Variants in IL20RB observed in about 807,000 individuals in gnomAD.
The protein encoded by IL20RB is interleukin-20 receptor subunit beta.
IL20RB carries 21 observed loss-of-function variants against 33.3 expected under a neutral mutation model. That is an observed-to-expected ratio of 0.63 (90% CI 0.45 to 0.91). The LOEUF (loss-of-function observed/expected upper bound fraction) is 0.91, where lower values mean the gene tolerates loss of function less well. Ranked by LOEUF, IL20RB falls within the 40% of genes least tolerant of loss-of-function variation. The probability of loss-of-function intolerance (pLI) is 0.00; values close to 1 mark genes in which losing one functional copy is unlikely to be tolerated. For missense variants in IL20RB, 345 were observed against 384.8 expected (o/e 0.90, Z 0.86); for synonymous variants, 147 against 146.8 (o/e 1.00, Z -0.01).
At chr3:137,003,830 T>A (rs566707925) in intron 6 of IL20RB, among the ~76,000 whole-genome samples, 206 of 151,778 alleles carry the variant, frequency 1.4e-3, no homozygotes, top group Middle Eastern at 6.8e-3. Flanking sequence ...AGAGAGGGCA[T>A]CCTTGTGCTG....
At chr3:136,996,980 A>G (rs1167974169) in intron 6 of IL20RB, among the ~76,000 whole-genome samples, 1 of 152,170 alleles carries the variant, frequency 6.6e-6, no homozygotes, top group East Asian at 1.9e-4. Context: ...AATTAGGTCA[A>G]AATGTTTCGT....
At chr3:136,985,774 T>C (rs1399501162) in intron 3 of IL20RB, among the ~76,000 whole-genome samples, 1 of 152,196 alleles carries the variant, frequency 6.6e-6, no homozygotes, top group Non-Finnish European at 1.5e-5. Flanking sequence ...ATGATCTGCA[T>C]GCATCTTATT....
intron 4 of IL20RB, among the ~76,000 whole-genome samples, chr3:136,990,092 C>T (rs1386524849): frequency 6.6e-6 from 1 of 151,910 alleles, no homozygotes; most frequent in African/African-American, 2.4e-5. Flanking sequence ...GGGTGCTGCC[C>T]TCCCCATGGG....
At position 136,982,218 on chromosome 3, in the gene IL20RB, A is replaced by G; in HGVS notation, c.274A>G (p.Thr92Ala). The G allele has an allele frequency of 1.9e-6, 3 of 1,605,694 alleles. No individual in the cohort carries two copies. The highest frequency in any genetic ancestry group is 2.6e-6 in the Non-Finnish European group (3 of 1,173,350). Residue 92 changes from threonine to alanine, a missense_variant, in exon 3 of 7, where the codon ACT becomes GCT. Transcript: ENST00000329582. ...IWIPSSWCSL[T>A]EGPECDVTDD... ...GATCCCCAGCAGCTGGTGCTCACTC[A>G]CTGAAGGTCCTGAGTGTGATGTCAC...
chr3:136,985,582 C>A (rs1200450845), intron 3 of IL20RB, among the ~76,000 whole-genome samples: 2 of 152,128 alleles, frequency 1.3e-5, no homozygotes, highest in Admixed American at 1.3e-4. Context: ...GGTGATCCGC[C>A]CACCTCAGCC....
intron 1 of IL20RB, among the ~76,000 whole-genome samples, chr3:136,966,122 A>G (rs1435712576): frequency 3.5e-5 from 5 of 140,894 alleles, no homozygotes; most frequent in African/African-American, 5.6e-5. Context: ...GGATTTTTGC[A>G]TCAATGTTCA....
intron 3 of IL20RB, among the ~76,000 whole-genome samples, chr3:136,982,979 T>C (rs944585386): frequency 2.6e-5 from 4 of 152,152 alleles, no homozygotes; most frequent in Non-Finnish European, 4.4e-5. Flanking sequence ...CAAGGGCTGA[T>C]GGGCAGGGGG....
intron 6 of IL20RB, among the ~76,000 whole-genome samples, chr3:136,999,811 T>A (rs1247984887): frequency 6.6e-6 from 1 of 152,216 alleles, no homozygotes; most frequent in South Asian, 2.1e-4. Flanking sequence ...GATATTGTGT[T>A]TTTAAATTCT....
chr3:136,983,911 A>C lies in IL20RB; in HGVS notation c.406+1561A>C, dbSNP rs577967056. On this transcript the variant is annotated intron_variant, in intron 3 of 6. Transcript: ENST00000329582. ...GAGTGCAGTGGTGCCAACACAGCTC[A>C]CTGCAGCCTTGCCCTCCTGGGCTCA... is the stretch of plus-strand genomic sequence containing the variant. Among the ~76,000 whole-genome samples, 307 of 152,214 alleles carry C rather than the reference A, an allele frequency of 2.0e-3. 2 individuals carry two copies. Among genetic ancestry groups the C allele is most frequent in the African/African-American group, 7.1e-3 (294 of 41,538 alleles).
intron 1 of IL20RB, among the ~76,000 whole-genome samples, chr3:136,973,774 T>C (rs1941548750): frequency 6.6e-6 from 1 of 152,194 alleles, no homozygotes. Context: ...TTAGAATTGT[T>C]ATAACTTCTT....
At chr3:136,976,349 C>T (rs1405571507) in intron 1 of IL20RB, among the ~76,000 whole-genome samples, 2 of 152,182 alleles carry the variant, frequency 1.3e-5, no homozygotes, top group Non-Finnish European at 2.9e-5. Context: ...TGGTAGTAGC[C>T]ATGCTGAGGT....
At chr3:136,966,370 C>T (rs866169770) in intron 1 of IL20RB, among the ~76,000 whole-genome samples, 8,944 of 76,056 alleles carry the variant, frequency 0.12, 2,230 homozygotes, top group South Asian at 0.18. Context: ...GCCACAATTT[C>T]GGAGCCTGTT....
intron 3 of IL20RB, among the ~76,000 whole-genome samples, chr3:136,988,083 A>G (rs1941954761): frequency 6.6e-6 from 1 of 152,204 alleles, no homozygotes; most frequent in South Asian, 2.1e-4. Flanking sequence ...CCAAAGTGGG[A>G]GCCCAGGCAG....
At chr3:136,993,509 T>G (rs1043329240) in intron 5 of IL20RB, among the ~76,000 whole-genome samples, 27 of 152,144 alleles carry the variant, frequency 1.8e-4, no homozygotes, top group Non-Finnish European at 3.8e-4. Context: ...GCCATGTTGG[T>G]TTCCTGCACC....
intron 6 of IL20RB, among the ~76,000 whole-genome samples, chr3:137,002,611 T>C (rs931965236): frequency 1.3e-5 from 2 of 152,084 alleles, no homozygotes; most frequent in African/African-American, 4.8e-5. Flanking sequence ...TGCCCACTTT[T>C]TGATGGTTTT....
At chr3:136,997,575 CTT>C (rs541001735) in intron 6 of IL20RB, among the ~76,000 whole-genome samples, 18 of 130,552 alleles carry the variant, frequency 1.4e-4, no homozygotes, top group Non-Finnish European at 1.5e-4. Context: ...ATCAGTATAT[CTT>C]TTTTTTTTTT....
At chr3:137,007,827 G>A (rs980651934) in intron 6 of IL20RB, among the ~76,000 whole-genome samples, 4 of 152,144 alleles carry the variant, frequency 2.6e-5, no homozygotes, top group African/African-American at 4.8e-5. Flanking sequence ...AGATGAACCA[G>A]GTACCTCAGT....
At chr3:136,983,784 C>T (rs1941838676) in intron 3 of IL20RB, among the ~76,000 whole-genome samples, 1 of 152,204 alleles carries the variant, frequency 6.6e-6, no homozygotes, top group African/African-American at 2.4e-5. Flanking sequence ...AAATCAGTCC[C>T]TGAGGCTTAG....
At chr3:136,988,138 G>A (rs1440062746) in intron 3 of IL20RB, among the ~76,000 whole-genome samples, 1 of 152,228 alleles carries the variant, frequency 6.6e-6, no homozygotes, top group African/African-American at 2.4e-5. Flanking sequence ...CTGCCAGCAT[G>A]CTGTCACCTC....
Sources: gnomAD v4.1 joint callset for allele counts (sites outside exome capture counted in the v4.1 genomes callset) on GRCh38, gnomAD v4.1.1 for gene constraint, MANE v1.5 for transcripts, NCBI Gene and HGNC (gene_info 2026-07-23, HGNC 2026-07-21) for gene names.